Variants in HDGF observed in about 807,000 individuals in gnomAD.
The protein encoded by HDGF is heparin binding growth factor, also known as hepatoma-derived growth factor.
Under a neutral mutation model 30.0 loss-of-function variants are expected in HDGF, and 5 were observed. That is an observed-to-expected ratio of 0.17 (90% CI 0.09 to 0.35). The LOEUF is 0.35. Ranked by LOEUF, HDGF falls within the 10% of genes least tolerant of loss-of-function variation. HDGF has a pLI of 1.00. For synonymous variants in HDGF, 133 were observed against 112.7 expected (o/e 1.18, Z -1.14); for missense variants, 214 against 302.8 (o/e 0.71, Z 2.18).
chr1:156,750,322 A>G (rs896324730), intron 1 of HDGF, among the ~76,000 whole-genome samples: 6 of 152,058 alleles, frequency 3.9e-5, no homozygotes, highest in African/African-American at 1.4e-4. Context: ...AAGTTGCCAA[A>G]TGCACTGCCC....
At chr1:156,763,380 T>C (rs545274809) in intron 1 of HDGF, among the ~76,000 whole-genome samples, 1 of 151,566 alleles carries the variant, frequency 6.6e-6, no homozygotes, top group South Asian at 2.1e-4. Flanking sequence ...CGCGCCCAGC[T>C]AATTTTTGTA....
rs1215675835 is a variant in HDGF at position 156,744,303 on chromosome 1, C to T, written c.349G>A (p.Glu117Lys). The T allele has an allele frequency of 2.5e-6, 4 of 1,614,180 alleles. No homozygotes were observed. Among genetic ancestry groups the T allele is most frequent in the Admixed American group, 1.7e-5 (1 of 60,028 alleles). ...SCVEEPEPEPEAAEGDGDKKG... is the reference protein window; with the variant it reads ...SCVEEPEPEPKAAEGDGDKKG... ...TTATCACCGTCACCCTCTGCAGCTT[C>T]GGGCTCTGGTTCAGGCTCTTCCACA... Residue 117 changes from glutamate to lysine, a missense_variant, in exon 4 of 6, where the codon GAA becomes AAA. By Grantham distance (56) the Glu-to-Lys change is moderately conservative (BLOSUM62 1). Around this residue, in one of 2 missense-constraint regions of HDGF, gnomAD observed 176 missense variants for 211.7 expected, o/e 0.83. Coordinates refer to ENST00000357325, the MANE Select transcript of HDGF (RefSeq NM_004494.3).
intron 1 of HDGF, among the ~76,000 whole-genome samples, chr1:156,750,984 T>C (rs1650933752): frequency 6.7e-6 from 1 of 149,970 alleles, no homozygotes; most frequent in Admixed American, 6.6e-5. Context: ...GGGGAAGGAA[T>C]AACACGACTG....
At chr1:156,745,909 G>T (rs190116022) in intron 1 of HDGF, among the ~76,000 whole-genome samples, 2 of 152,210 alleles carry the variant, frequency 1.3e-5, no homozygotes, top group Non-Finnish European at 2.9e-5. Flanking sequence ...AAGGGAGACA[G>T]TCATAGTACT....
intron 1 of HDGF, among the ~76,000 whole-genome samples, chr1:156,765,426 TCTTTCTTTCTTTC>T (rs1285640750): frequency 8.1e-5 from 11 of 136,642 alleles, no homozygotes; most frequent in South Asian, 2.6e-4. Context: ...TCTTTCTTTC[TCTTTCTTTCTTTC>T]CTTTCTTTCC....
rs117851812 is a variant in HDGF at position 156,762,074 on chromosome 1, C to T, written n.137-2855G>A. Among the ~76,000 whole-genome samples, 294 of 150,178 alleles carry T rather than the reference C, an allele frequency of 2.0e-3. 4 individuals are homozygous for T. The East Asian group carries it at 0.053, about 27-fold the overall frequency. On this transcript the variant is annotated intron_variant and non_coding_transcript_variant, in intron 1 of 7. Transcript: ENST00000465180. ...GGAGGATTGCTTGAGCTGGGGAGGT[C>T]GAGGCTGCAGTGAGCCCAGATAGCA...
intron 1 of HDGF, among the ~76,000 whole-genome samples, chr1:156,761,514 CAGG>C (rs1435210812): frequency 1.3e-5 from 2 of 151,114 alleles, no homozygotes; most frequent in African/African-American, 4.9e-5. Flanking sequence ...GAGGCTGAGG[CAGG>C]AGAATTGCTT....
chr1:156,744,554 T>C, intron 3 of HDGF: 1 of 1,537,990 alleles, frequency 6.5e-7, no homozygotes, highest in Non-Finnish European at 8.7e-7. Flanking sequence ...CAGGGCTCTG[T>C]GCAGGAGGGG....
chr1:156,745,086 C>G lies in HDGF; in HGVS notation c.225G>C (p.Lys75Asn), dbSNP rs760206911. 6.2e-7 allele frequency: 1 copy of G among 1,614,030 alleles called. No individual in the cohort carries two copies. Among genetic ancestry groups the G allele is most frequent in the African/African-American group, 1.3e-5 (1 of 75,000 alleles). Residue 75 changes from lysine to asparagine, a missense_variant, in exon 3 of 6, where the codon AAG (lysine) becomes AAC (asparagine). Lys to Asn is a moderately conservative substitution (Grantham distance 94). This residue lies in a region of HDGF where 176 missense variants were observed against 211.7 expected (regional missense o/e 0.83). Transcript: ENST00000357325. Reference protein sequence around the residue: ...PYEESKEKFGKPNKRKGFSEG... With the variant: ...PYEESKEKFGNPNKRKGFSEG... ...CGCTGAACCCTTTCCTCTTGTTGGG[C>G]TTGCCAAACTTCTCCTTGGATTCCT... is the stretch of plus-strand genomic sequence containing the variant.
intron 1 of HDGF, among the ~76,000 whole-genome samples, chr1:156,748,286 T>C (rs1473443552): frequency 1.3e-5 from 2 of 152,190 alleles, no homozygotes; most frequent in Non-Finnish European, 2.9e-5. Flanking sequence ...TGTCCTTTCT[T>C]ACATTTGGAA....
chr1:156,761,816 A>G (rs1384163318), intron 1 of HDGF, among the ~76,000 whole-genome samples: 1 of 144,640 alleles, frequency 6.9e-6, no homozygotes, highest in Non-Finnish European at 1.5e-5. Flanking sequence ...GCGTGGTGGC[A>G]TGCGCCTATA....
upstream of HDGF, chr1:156,752,328 G>C: frequency 6.4e-7 from 1 of 1,551,762 alleles, no homozygotes; most frequent in Non-Finnish European, 8.7e-7. Context: ...GATGGCCAAG[G>C]AGTTGAGGCA....
chr1:156,764,072 T>G (rs1255467829), intron 1 of HDGF, among the ~76,000 whole-genome samples: 1 of 66,222 alleles, frequency 1.5e-5, no homozygotes, highest in African/African-American at 5.9e-5. Context: ...TGCCCGGCTT[T>G]TTTTCTGTTT....
At chr1:156,753,783 TC>T (rs1651096566), upstream of HDGF, among the ~76,000 whole-genome samples, 1 of 151,942 alleles carries the variant, frequency 6.6e-6, no homozygotes, top group African/African-American at 2.4e-5. Context: ...ACTCCTGATG[TC>T]GTAATCTGCC....
At chr1:156,750,515 G>C in intron 1 of HDGF, 1 of 152,548 alleles carries the variant, frequency 6.6e-6, no homozygotes, top group East Asian at 1.9e-4. Flanking sequence ...TTAACCACAT[G>C]GCAGAGACTG....
chr1:156,751,498 C>A lies in HDGF; in HGVS notation c.-69G>T. 7.4e-6 allele frequency: 9 copies of A among 1,220,934 alleles called. No individual in the cohort carries two copies. Among genetic ancestry groups the A allele is most frequent in the Non-Finnish European group, 9.3e-6 (9 of 969,790 alleles). 75.6% of individuals were successfully genotyped at this position (1,220,934 alleles called of 1,614,324 possible). A position where few individuals can be genotyped will look rare whatever the true frequency, so the allele number is the denominator to read the frequency against. ...CGCGAGCCCAAGTTTGCGCGTGCGG[C>A]GGTGGCGGCGCCGCTCCGCTCCGGC... is the stretch of plus-strand genomic sequence containing the variant. On this transcript the variant is annotated 5_prime_UTR_variant, in exon 1 of 6. Coordinates refer to ENST00000357325, the MANE Select transcript of HDGF (RefSeq NM_004494.3). This position sits in a 1 kb window ranked among gnomAD's most constrained non-coding sequence, Gnocchi z 4.7.
At chr1:156,744,624 C>G (rs1650390128) in intron 3 of HDGF, 1 of 1,281,706 alleles carries the variant, frequency 7.8e-7, no homozygotes, top group African/African-American at 1.5e-5. Flanking sequence ...AGCTAGGACC[C>G]TTTCCCCGCC....
chr1:156,743,442 T>C lies in HDGF; in HGVS notation c.*7A>G, dbSNP rs11556973. ...CAGGGTGGGGGCTCCTCTTGAAACA[T>C]TGGTGGCTACAGGCTGTGAGGGAGG... On this transcript the variant is annotated 3_prime_UTR_variant, in exon 6 of 6. Transcript: ENST00000357325. 943 of 1,514,518 alleles carry C rather than the reference T, an allele frequency of 6.2e-4. 3 individuals carry two copies. In the African/African-American group the frequency reaches 8.6e-3, roughly 14 times the overall value. 93.8% of individuals were successfully genotyped at this position (1,514,518 alleles called of 1,614,324 possible). A position where few individuals can be genotyped will look rare whatever the true frequency, so the allele number is the denominator to read the frequency against.
At chr1:156,749,386 G>A (rs576831642) in intron 1 of HDGF, among the ~76,000 whole-genome samples, 30 of 152,370 alleles carry the variant, frequency 2.0e-4, no homozygotes, top group South Asian at 4.1e-4. Context: ...GAGACTCGAG[G>A]TCTGTTCTTT....
Sources: gnomAD v4.1 joint callset for allele counts (sites outside exome capture counted in the v4.1 genomes callset) on GRCh38, gnomAD v4.1.1 for gene constraint, gnomAD v4.1.1 regional missense constraint, Gnocchi (gnomAD v3.1) non-coding constraint, MANE v1.5 for transcripts, NCBI Gene and HGNC (gene_info 2026-07-23, HGNC 2026-07-21) for gene names.